Variants in P3H2 observed in about 807,000 individuals in gnomAD.
P3H2 encodes prolyl 3-hydroxylase 2, also known as leprecan-like 1.
Under a neutral mutation model 87.0 loss-of-function variants are expected in P3H2, and 80 were observed. That is an observed-to-expected ratio of 0.92 (90% CI 0.77 to 1.11). The LOEUF (loss-of-function observed/expected upper bound fraction) is 1.11, where lower values mean the gene tolerates loss of function less well. P3H2 is among the 50% of genes least tolerant of loss of function. P3H2 has a pLI of 0.00. For missense variants in P3H2, 1,001 were observed against 923.9 expected, an observed-to-expected ratio of 1.08 and a Z score of -1.08; for synonymous variants, 367 against 359.3, an observed-to-expected ratio of 1.02 and a Z score of -0.24.
At chr3:190,017,950 T>A (rs1344299859) in intron 1 of P3H2, among the ~76,000 whole-genome samples, 1 of 152,316 alleles carries the variant, frequency 6.6e-6, no homozygotes. Context: ...CTAGCCCAAG[T>A]ACAACAGATC....
chr3:190,114,258 A>C (rs1382354162), intron 1 of P3H2, among the ~76,000 whole-genome samples: 1 of 143,840 alleles, frequency 7.0e-6, no homozygotes, highest in Non-Finnish European at 1.5e-5. Flanking sequence ...ATCTCGGCTC[A>C]CTGCAAGCTC....
At chr3:190,062,608 T>G (rs1427446107) in intron 1 of P3H2, among the ~76,000 whole-genome samples, 1 of 152,158 alleles carries the variant, frequency 6.6e-6, no homozygotes, top group Non-Finnish European at 1.5e-5. Context: ...CTGGCACTAT[T>G]ATTATGTATA....
At chr3:189,984,660 T>A in intron 6 of P3H2, 70 bp from the exon 7 acceptor site, 2 of 1,046,482 alleles carry the variant, frequency 1.9e-6, no homozygotes, top group Non-Finnish European at 3.0e-6. Flanking sequence ...AGAATTAAGA[T>A]AAAATAAAAT....
At chr3:190,100,222 CA>C (rs1187551480) in intron 1 of P3H2, among the ~76,000 whole-genome samples, 1 of 144,680 alleles carries the variant, frequency 6.9e-6, no homozygotes, top group East Asian at 2.2e-4. Flanking sequence ...CGACAAAGAG[CA>C]AAACTCCGTC....
intron 1 of P3H2, among the ~76,000 whole-genome samples, chr3:190,012,022 A>C (rs889958706): frequency 6.6e-6 from 1 of 152,212 alleles, no homozygotes; most frequent in Non-Finnish European, 1.5e-5. Flanking sequence ...AAGAAACAGG[A>C]ATGGAAGTAG....
chr3:190,049,834 G>A (rs971511013), intron 1 of P3H2, among the ~76,000 whole-genome samples: 59 of 152,256 alleles, frequency 3.9e-4, no homozygotes, highest in African/African-American at 1.4e-3. Flanking sequence ...GAGTTCTGAA[G>A]CATATTTGTT....
At chr3:189,959,296 G>A (rs1332186153) in intron 14 of P3H2, among the ~76,000 whole-genome samples, 1 of 149,518 alleles carries the variant, frequency 6.7e-6, no homozygotes, top group Non-Finnish European at 1.5e-5. Context: ...GGGTACATGT[G>A]CACAATGTGC....
At chr3:189,982,999 T>C (rs1311731583) in intron 8 of P3H2, 47 bp downstream of exon 8, 1 of 1,415,060 alleles carries the variant, frequency 7.1e-7, no homozygotes, top group Admixed American at 1.7e-5. Flanking sequence ...TCAAGCCCCA[T>C]CTTCCCCTTC....
intron 1 of P3H2, among the ~76,000 whole-genome samples, chr3:190,075,480 C>T (rs190996588): frequency 1.2e-4 from 17 of 139,256 alleles, no homozygotes; most frequent in South Asian, 1.2e-3. Context: ...AGGGAAACTC[C>T]GTCTCAAAAA....
intron 1 of P3H2, among the ~76,000 whole-genome samples, chr3:190,046,283 A>G (rs76144470): frequency 0.012 from 1,782 of 152,286 alleles, 38 homozygotes; most frequent in African/African-American, 0.04. Context: ...ATCCTGACTT[A>G]CACAAGATAT....
intron 1 of P3H2, among the ~76,000 whole-genome samples, chr3:190,028,394 T>C (rs1053540137): frequency 2.0e-5 from 3 of 152,202 alleles, no homozygotes; most frequent in African/African-American, 4.8e-5. Flanking sequence ...AGGTCGGGAC[T>C]GGGAGAAACA....
intron 8 of P3H2, among the ~76,000 whole-genome samples, chr3:189,976,714 T>C (rs1407317244): frequency 6.6e-6 from 1 of 152,234 alleles, no homozygotes; most frequent in Non-Finnish European, 1.5e-5. Context: ...CATTGAACTG[T>C]GGAATCCCAT....
intron 1 of P3H2, among the ~76,000 whole-genome samples, chr3:190,078,825 G>C (rs1226157812): frequency 6.6e-6 from 1 of 152,104 alleles, no homozygotes. Flanking sequence ...TTCTTCCAGG[G>C]AAGTAGCAAA....
intron 1 of P3H2, among the ~76,000 whole-genome samples, chr3:190,098,228 A>T (rs1255944493): frequency 1.3e-5 from 2 of 152,032 alleles, no homozygotes; most frequent in Non-Finnish European, 2.9e-5. Context: ...TTCCATAATC[A>T]ATATTAGTAG....
intron 8 of P3H2, among the ~76,000 whole-genome samples, chr3:189,979,582 GCCT>G (rs1443105012): frequency 2.0e-5 from 3 of 152,014 alleles, no homozygotes; most frequent in African/African-American, 7.3e-5. Context: ...CAGAGACTAA[GCCT>G]CCTGATTCCA....
intron 1 of P3H2, among the ~76,000 whole-genome samples, chr3:190,058,855 T>A (rs1295224979): frequency 6.6e-6 from 1 of 152,124 alleles, no homozygotes; most frequent in Non-Finnish European, 1.5e-5. Context: ...AAAGCCAGAT[T>A]TAGTTCAGCG....
rs1206150892 is a variant in P3H2, at chr3:189,974,704, T to C, written c.1325-19A>G. 6.2e-7 allele frequency: 1 copy of C among 1,614,142 alleles called. No individual in the cohort carries two copies. Among genetic ancestry groups the C allele is most frequent in the Non-Finnish European group, 8.5e-7 (1 of 1,179,984 alleles). ...GGACCACCTACAGGAACAGAGCACATTGTCTTCCCTGTTACCTCTGTCCCC... is the reference window on the plus strand; with the variant it reads ...GGACCACCTACAGGAACAGAGCACACTGTCTTCCCTGTTACCTCTGTCCCC... On this transcript the variant is annotated intron_variant, in intron 8 of 14. Coordinates refer to ENST00000319332, the MANE Select transcript of P3H2 (RefSeq NM_018192.4).
chr3:189,999,037 G>A (rs1560355602), intron 1 of P3H2, among the ~76,000 whole-genome samples: 2 of 152,158 alleles, frequency 1.3e-5, no homozygotes, highest in Admixed American at 6.5e-5. Context: ...TAACAGGACT[G>A]TACTGATCCA....
chr3:190,070,896 C>A (rs942448185), intron 1 of P3H2, among the ~76,000 whole-genome samples: 1 of 152,164 alleles, frequency 6.6e-6, no homozygotes. Flanking sequence ...CCGACCAGAA[C>A]ATCATAATCA....
Sources: gnomAD v4.1 joint callset for allele counts (sites outside exome capture counted in the v4.1 genomes callset) on GRCh38, gnomAD v4.1.1 for gene constraint, MANE v1.5 for transcripts, NCBI Gene and HGNC (gene_info 2026-07-23, HGNC 2026-07-21) for gene names.